The following IRS4 variants were observed in gnomAD, a reference collection of about 807,000 sequenced individuals.
The protein encoded by IRS4 is insulin receptor substrate 4.
A neutral mutation model predicts 48.6 loss-of-function variants in IRS4; 15 were observed. The ratio of observed to expected loss-of-function variants is 0.31; its 90% CI spans 0.21 to 0.48. The LOEUF (loss-of-function observed/expected upper bound fraction) is 0.48, where lower values mean the gene tolerates loss of function less well. Among genes scored for constraint, IRS4 ranks in the 20% least tolerant of loss-of-function variants. The pLI, the probability that IRS4 is intolerant of heterozygous loss-of-function variation, is 0.99. For missense variants in IRS4, 987 were observed against 1,023.4 expected (o/e 0.96, Z 0.49); for synonymous variants, 459 against 413.2 (o/e 1.11, Z -1.34).
In IRS4 at chrX:108,733,431, C is replaced by G. The variant is rs933241677; in HGVS notation, c.2914G>C (p.Ala972Pro). ...VEFGVPFPNP[A>P]NDLSDLLRAI... ...CTTAAAAGATCTGAGAGGTCGTTTGCTGGATTTGGAAATGGCACTCCAAAC... is the reference window on the plus strand; with the variant it reads ...CTTAAAAGATCTGAGAGGTCGTTTGGTGGATTTGGAAATGGCACTCCAAAC... Residue 972 changes from alanine (A) to proline (P), a missense_variant, in exon 1 of 2, where the codon GCA becomes CCA. Ala to Pro is a conservative substitution (Grantham distance 27). Around this residue, in one of 4 missense-constraint regions of IRS4, gnomAD observed 720 missense variants for 660.3 expected, o/e 1.09. Transcript: ENST00000372129. The G allele has an allele frequency of 8.3e-7, 1 of 1,211,614 alleles. No homozygotes were observed. Among genetic ancestry groups the G allele is most frequent in the Non-Finnish European group, 1.1e-6 (1 of 895,459 alleles).
Position 108,736,246 on chromosome X carries a change from C to A in IRS4, c.99G>T (p.Pro33=). 1 of 1,210,778 alleles carries A rather than the reference C, an allele frequency of 8.3e-7. No individual in the cohort carries two copies. The highest frequency in any genetic ancestry group is 1.1e-6 in the Non-Finnish European group (1 of 895,331). The change falls in exon 1 of 2, where the codon CCG becomes CCT. Residue 33 remains proline, a synonymous_variant. Coordinates refer to ENST00000372129, the MANE Select transcript of IRS4 (RefSeq NM_001379150.1). The part of the protein sequence containing the change: ...AAALAAVVTT[P]LLSSGTPTAL... ...CGGTCGGGGTTCCCGAGGAAAGAAG[C>A]GGGGTGGTCACCACTGCTGCTAGAG...
At chrX:108,732,031 A>G (rs2068904732) in intron 1 of IRS4, among the ~76,000 whole-genome samples, 1 of 112,490 alleles carries the variant, frequency 8.9e-6, no homozygotes, top group African/African-American at 3.2e-5. Context: ...ATTGAGATTT[A>G]ACTTTCTTGG....
rs990301421 is a variant in IRS4 at position 108,721,745 on chromosome X, G to C, written c.*774C>G. The C allele has an allele frequency of 6.3e-5, 7 of 111,507 alleles. No individual in the cohort carries two copies. The highest frequency in any genetic ancestry group is 1.3e-4 in the Non-Finnish European group (7 of 53,050). 9.2% of individuals were successfully genotyped at this position (111,507 alleles called of 1,213,427 possible). On this transcript the variant is annotated 3_prime_UTR_variant, in exon 2 of 2. Coordinates refer to ENST00000372129, the MANE Select transcript of IRS4 (RefSeq NM_001379150.1). ...ACAATAAATGAAAAATAATAGGTTTGGAAATACTCAATCGATTTTCAGGCA... is the reference window on the plus strand; with the variant it reads ...ACAATAAATGAAAAATAATAGGTTTCGAAATACTCAATCGATTTTCAGGCA...
rs763911301 is a variant in IRS4 at position 108,735,553 on chromosome X, C to T, written c.792G>A (p.Val264=). The change falls in exon 1 of 2, where the codon GTG becomes GTA. Residue 264 remains valine (V), a synonymous_variant. Coordinates refer to ENST00000372129, the MANE Select transcript of IRS4 (RefSeq NM_001379150.1). ...FRLCLTDEEV[V]FVRLNTEVAS... is the part of the protein sequence containing the mutation. ...CCACTTCGGTGTTCAGCCTCACAAA[C>T]ACGACCTCCTCGTCGGTTAGACACA... The T allele has an allele frequency of 1.7e-6, 2 of 1,210,444 alleles. No homozygotes were observed. The highest frequency in any genetic ancestry group is 4.4e-5 in the Admixed American group (2 of 45,948).
rs1173657930 is a variant in IRS4, at chrX:108,734,879, G to A, written c.1466C>T (p.Pro489Leu). Residue 489 changes from proline to leucine, a missense_variant, in exon 1 of 2, where the codon CCT becomes CTT. Pro to Leu is a moderately conservative substitution (Grantham distance 98). This residue lies in a region of IRS4 where 720 missense variants were observed against 660.3 expected (regional missense o/e 1.09). Coordinates refer to ENST00000372129, the MANE Select transcript of IRS4 (RefSeq NM_001379150.1). ...DQEGSGGDYM[P>L]MNNWGSGNGR... ...ATTTCCTGAGCCCCAATTGTTCATA[G>A]GCATGTAGTCACCTCCGCTTCCTTC... 4 of 1,210,339 alleles carry A rather than the reference G, an allele frequency of 3.3e-6. No homozygotes were observed. The highest frequency in any genetic ancestry group is 4.5e-6 in the Non-Finnish European group (4 of 895,320).
rs755411897 is a variant in IRS4 at position 108,735,051 on chromosome X, A to G, written c.1294T>C (p.Phe432Leu). Reference sequence around the variant, plus strand: ...GGGCTGGGTGCTAAGCGGCGAAAAAAGCTGGCCGGCACTGAAACCGCTCTC... The same window carrying G: ...GGGCTGGGTGCTAAGCGGCGAAAAAGGCTGGCCGGCACTGAAACCGCTCTC... ...SRRAVSVPAS[F>L]FRRLAPSPAR... The change falls in exon 1 of 2, where the codon TTT becomes CTT. Residue 432 changes from phenylalanine (F) to leucine (L), a missense_variant. Phe to Leu is a conservative substitution (Grantham distance 22, BLOSUM62 0). Coordinates refer to ENST00000372129, the MANE Select transcript of IRS4 (RefSeq NM_001379150.1). 6 of 1,211,678 alleles carry G rather than the reference A, an allele frequency of 5.0e-6. No individual in the cohort carries two copies. Among genetic ancestry groups the G allele is most frequent in the Non-Finnish European group, 6.7e-6 (6 of 895,504 alleles).
In IRS4 at chrX:108,733,246, G is replaced by A. The variant is rs759230795; in HGVS notation, c.3099C>T (p.Asp1033=). The change falls in exon 1 of 2, where the codon GAC becomes GAT. Residue 1033 remains aspartate (D), a synonymous_variant. Transcript: ENST00000372129. Reference sequence around the variant, plus strand: ...TTTCAGCATCATAGCGAATGGCACTGTCAGCAAGAGCCATGGCTGGTGTCA... The same window carrying A: ...TTTCAGCATCATAGCGAATGGCACTATCAGCAAGAGCCATGGCTGGTGTCA... The part of the protein sequence containing the change: ...SAMTPAMALA[D]SAIRYDAETG... 4 of 1,210,151 alleles carry A rather than the reference G, an allele frequency of 3.3e-6. No individual in the cohort carries two copies. Among genetic ancestry groups the A allele is most frequent in the Non-Finnish European group, 4.5e-6 (4 of 895,277 alleles).
chrX:108,731,427 C>T (rs1228044751), intron 1 of IRS4, among the ~76,000 whole-genome samples: 2 of 111,737 alleles, frequency 1.8e-5, no homozygotes, highest in African/African-American at 6.5e-5. Flanking sequence ...GGGAAAGAAG[C>T]ATATTCTACT....
intron 1 of IRS4, among the ~76,000 whole-genome samples, chrX:108,731,358 A>G (rs762801916): frequency 2.1e-4 from 23 of 111,364 alleles, no homozygotes; most frequent in African/African-American, 7.2e-4. Context: ...CAAAGCAAAA[A>G]TCTTCACTAA....
Position 108,735,580 on chromosome X carries a change from C to A in IRS4, c.765G>T (p.Arg255=), listed in dbSNP as rs756750215. The change falls in exon 1 of 2, where the codon CGG becomes CGT. Residue 255 remains arginine, a synonymous_variant. Coordinates refer to ENST00000372129, the MANE Select transcript of IRS4 (RefSeq NM_001379150.1). ...CGACCTCCTCGTCGGTTAGACACAG[C>A]CGGAACACGCCGCTCAGCTCTTTTC... ...GHRKELSGVF[R]LCLTDEEVVF... is the part of the protein sequence containing the mutation. The A allele has an allele frequency of 2.5e-6, 3 of 1,209,509 alleles. No homozygotes were observed. Among genetic ancestry groups the A allele is most frequent in the Non-Finnish European group, 3.4e-6 (3 of 894,884 alleles).
chrX:108,734,105 A>C lies in IRS4; in HGVS notation c.2240T>G (p.Phe747Cys). 1 of 1,211,706 alleles carries C rather than the reference A, an allele frequency of 8.3e-7. No homozygotes were observed. Among genetic ancestry groups the C allele is most frequent in the Non-Finnish European group, 1.1e-6 (1 of 895,532 alleles). Residue 747 changes from phenylalanine to cysteine, a missense_variant, in exon 1 of 2, where the codon TTT becomes TGT. This residue lies in a region of IRS4 where 720 missense variants were observed against 660.3 expected (regional missense o/e 1.09). Transcript: ENST00000372129. ...AGCAGGTGGTGGGCTCACTCTGGGAAACATCATCATGTACCCTCTTGAATC... is the reference window on the plus strand; with the variant it reads ...AGCAGGTGGTGGGCTCACTCTGGGACACATCATCATGTACCCTCTTGAATC... ...FEDSRGYMMM[F>C]PRVSPPPAPS...
At chrX:108,723,937 C>A (rs777202265) in intron 1 of IRS4, 2 of 112,251 alleles carry the variant, frequency 1.8e-5, no homozygotes, top group Non-Finnish European at 3.8e-5. Flanking sequence ...AGACCAGTAC[C>A]AGTATTACAG....
rs914369048 is a variant in IRS4, at chrX:108,721,758, C to T, written c.*761G>A. The stretch of plus-strand genomic sequence containing the variant: ...AATAATAGGTTTGGAAATACTCAAT[C>T]GATTTTCAGGCAGAACATCACAGTG... On this transcript the variant is annotated 3_prime_UTR_variant, in exon 2 of 2. Coordinates refer to ENST00000372129, the MANE Select transcript of IRS4 (RefSeq NM_001379150.1). 1.8e-5 allele frequency: 2 copies of T among 111,538 alleles called. No homozygotes were observed. The highest frequency in any genetic ancestry group is 3.8e-5 in the Non-Finnish European group (2 of 53,042). 9.2% of individuals were successfully genotyped at this position (111,538 alleles called of 1,213,427 possible).
intron 1 of IRS4, chrX:108,726,303 G>A (rs1228542132): frequency 8.9e-6 from 1 of 112,015 alleles, no homozygotes; most frequent in Admixed American, 9.5e-5. Context: ...TCTGAGGGAA[G>A]ATGTATGTGA....
In IRS4 at chrX:108,732,791, G is replaced by A; in HGVS notation, c.3554C>T (p.Ser1185Leu). The A allele has an allele frequency of 1.7e-6, 2 of 1,196,138 alleles. No homozygotes were observed. Among genetic ancestry groups the A allele is most frequent in the Non-Finnish European group, 2.3e-6 (2 of 885,958 alleles). ...VRGAQDVAGGSNPGAHNPSAN... is the reference protein window; with the variant it reads ...VRGAQDVAGGLNPGAHNPSAN... ...AGATGGGTTGTGGGCTCCAGGGTTC[G>A]AGCCACCGGCAACGTCTTGGGCTCC... Residue 1185 changes from serine to leucine, a missense_variant, in exon 1 of 2, where the codon TCG (serine) becomes TTG (leucine). By Grantham distance (145) the Ser-to-Leu change is moderately radical (BLOSUM62 -2). Coordinates refer to ENST00000372129, the MANE Select transcript of IRS4 (RefSeq NM_001379150.1).
At position 108,734,300 on chromosome X, in the gene IRS4, G is replaced by T. The variant is rs1348355570; in HGVS notation, c.2045C>A (p.Ala682Glu). ...TCTGGCTCTGTGGGGACCTCGAGCT[G>T]CACCTTCTGGGATCTCTGCATCTTT... The part of the protein sequence containing the change: ...EVKDAEIPEG[A>E]ARGPHRARAF... The change falls in exon 1 of 2, where the codon GCA becomes GAA. Residue 682 changes from alanine to glutamate, a missense_variant. Physicochemically the swap from Ala to Glu is moderately radical, Grantham distance 107. Around this residue, in one of 4 missense-constraint regions of IRS4, gnomAD observed 720 missense variants for 660.3 expected, o/e 1.09. Coordinates refer to ENST00000372129, the MANE Select transcript of IRS4 (RefSeq NM_001379150.1). The T allele has an allele frequency of 3.3e-6, 4 of 1,211,108 alleles. No homozygotes were observed. Among genetic ancestry groups the T allele is most frequent in the Non-Finnish European group, 4.5e-6 (4 of 895,339 alleles).
Position 108,733,296 on chromosome X carries a change from T to C in IRS4, c.3049A>G (p.Ile1017Val), listed in dbSNP as rs780527695. Residue 1017 changes from isoleucine to valine, a missense_variant, in exon 1 of 2, where the codon ATT becomes GTT. By Grantham distance (29) the Ile-to-Val change is conservative. Around this residue, in one of 4 missense-constraint regions of IRS4, gnomAD observed 720 missense variants for 660.3 expected, o/e 1.09. Transcript: ENST00000372129. ...SNAIEEEGDY[I>V]EVIFNSAMTP... is the part of the protein sequence containing the mutation. ...ATTGCTGAGTTGAAAATTACTTCAATGTAGTCACCCTCTTCCTCAATAGCA... is the reference window on the plus strand; with the variant it reads ...ATTGCTGAGTTGAAAATTACTTCAACGTAGTCACCCTCTTCCTCAATAGCA... 4 of 1,209,937 alleles carry C rather than the reference T, an allele frequency of 3.3e-6. No individual in the cohort carries two copies. Among genetic ancestry groups the C allele is most frequent in the Non-Finnish European group, 4.5e-6 (4 of 895,205 alleles).
At chrX:108,726,696 A>G (rs973707780) in intron 1 of IRS4, 3 of 112,380 alleles carry the variant, frequency 2.7e-5, no homozygotes, top group African/African-American at 9.7e-5. Flanking sequence ...TAATCATAGG[A>G]GAAAAATTAT....
intron 1 of IRS4, 80 bp downstream of exon 1, chrX:108,732,499 C>T: frequency 3.3e-6 from 4 of 1,202,555 alleles, no homozygotes; most frequent in Non-Finnish European, 4.5e-6. Context: ...AATAGTATCC[C>T]TAACACTGTA....
Sources: allele counts gnomAD v4.1 joint callset (sites outside exome capture counted in the v4.1 genomes callset), GRCh38; gene constraint gnomAD v4.1.1; regional missense constraint gnomAD v4.1.1; transcripts MANE v1.5; gene names NCBI Gene and HGNC (gene_info 2026-07-23, HGNC 2026-07-21).